NAV1: variants seen among roughly 807,000 people sequenced by gnomAD.
NAV1 encodes the protein neuron navigator 1.
In NAV1, 18 loss-of-function variants were observed where a neutral mutation model predicts 175.2. The observed-to-expected ratio is 0.10, with a 90% CI of 0.07 to 0.15. The LOEUF (loss-of-function observed/expected upper bound fraction) is 0.15. NAV1 is among the 10% of genes least tolerant of loss of function. The pLI, the probability that NAV1 is intolerant of heterozygous loss-of-function variation, is 1.00. For synonymous variants in NAV1, 897 were observed against 978.7 expected (o/e 0.92, Z 1.56); for missense variants, 1,731 against 2,436.6 (o/e 0.71, Z 6.10).
intron 2 of NAV1, 97 bp downstream of exon 6, chr1:201,713,016 C>A (rs975813665): frequency 4.1e-5 from 33 of 797,274 alleles, no homozygotes; most frequent in Non-Finnish European, 6.5e-5. Flanking sequence ...ACACCTCTGC[C>A]AGGTCAGCCA....
exon 1 of NAV1, chr1:201,648,612 C>A: frequency 7.8e-7 from 1 of 1,285,668 alleles, no homozygotes; most frequent in South Asian, 2.7e-5. Context: ...CCGCCCCCTG[C>A]CCCCTCCCCC....
At chr1:201,653,590 T>C (rs185728754) in intron 1 of NAV1, among the ~76,000 whole-genome samples, 5 of 152,304 alleles carry the variant, frequency 3.3e-5, no homozygotes, top group Middle Eastern at 3.4e-3. Context: ...TCACAAATAC[T>C]TCGTTTTCCT....
intron 6 of NAV1, 30 bp from the exon 11 acceptor site, chr1:201,783,376 T>C (rs1676463919): frequency 6.3e-7 from 1 of 1,598,608 alleles, no homozygotes. Context: ...AATTCTATTA[T>C]TCTAAATATT....
At chr1:201,541,657 C>G (rs1226447336) in intron 1 of NAV1, among the ~76,000 whole-genome samples, 10 of 152,146 alleles carry the variant, frequency 6.6e-5, no homozygotes, top group Admixed American at 5.9e-4. Flanking sequence ...GCCTGTAATC[C>G]CAGCTACTCG....
chr1:201,636,557 A>T (rs1440803023), intron 2 of NAV1, among the ~76,000 whole-genome samples: 1 of 152,160 alleles, frequency 6.6e-6, no homozygotes, highest in Admixed American at 6.5e-5. Flanking sequence ...AGCTGAAGAT[A>T]ATTAAAGGTC....
At chr1:201,541,188 T>C (rs1047432890) in intron 1 of NAV1, among the ~76,000 whole-genome samples, 14 of 152,188 alleles carry the variant, frequency 9.2e-5, no homozygotes, top group Non-Finnish European at 4.4e-5. Context: ...GTGAGTACCT[T>C]CCAGCCAAAC....
In NAV1 at chr1:201,794,060, C is replaced by T. The variant is rs182683376; in HGVS notation, c.3405+185C>T. 1,983 of 704,480 alleles carry T rather than the reference C, an allele frequency of 2.8e-3. 4 individuals carry two copies. Among genetic ancestry groups the T allele is most frequent in the South Asian group, 3.7e-3 (248 of 66,670 alleles). 43.6% of individuals were successfully genotyped at this position (704,480 alleles called of 1,614,324 possible). On this transcript the variant is annotated intron_variant, in intron 14 of 29. Transcript: ENST00000367296. The stretch of plus-strand genomic sequence containing the variant: ...CATATTCCTTATCCCAATTCCTTGC[C>T]CTTCTCTATCAAGTTTTGCAGAATT...
At position 201,753,959 on chromosome 1, in the gene NAV1, C is replaced by G. The variant is rs75688655; in HGVS notation, c.1227-26462C>G. On this transcript the variant is annotated intron_variant, in intron 3 of 29. Coordinates refer to ENST00000367296, the Ensembl canonical transcript of NAV1. Reference sequence around the variant, plus strand: ...GTCATTCTGATGGCAGATGACTACCCAAAGAAGGGGAAAGTGAAGGAAAGC... The same window carrying G: ...GTCATTCTGATGGCAGATGACTACCGAAAGAAGGGGAAAGTGAAGGAAAGC... 4.6e-5 allele frequency among the ~76,000 whole-genome samples: 7 copies of G among 152,224 alleles called. No homozygotes were observed. In the East Asian group the frequency reaches 1.4e-3, roughly 29 times the overall value.
chr1:201,752,809 A>G (rs546739944), intron 3 of NAV1, among the ~76,000 whole-genome samples: 2 of 152,316 alleles, frequency 1.3e-5, no homozygotes, highest in East Asian at 3.9e-4. Flanking sequence ...TTGTGCAAAG[A>G]CATCCAGATT....
At chr1:201,565,509 G>A (rs1666328816) in intron 1 of NAV1, among the ~76,000 whole-genome samples, 1 of 152,218 alleles carries the variant, frequency 6.6e-6, no homozygotes, top group Admixed American at 6.5e-5. Flanking sequence ...ATGGGGCCCG[G>A]CCCATGGCTA....
chr1:201,784,746 TTTTG>T (rs769991276), intron 7 of NAV1, among the ~76,000 whole-genome samples: 16 of 151,730 alleles, frequency 1.1e-4, no homozygotes, highest in African/African-American at 1.9e-4. Context: ...TTAATTTCTT[TTTTG>T]TTTGTTTGTT....
intron 2 of NAV1, among the ~76,000 whole-genome samples, chr1:201,598,958 G>C (rs1417545441): frequency 1.3e-5 from 2 of 152,168 alleles, no homozygotes; most frequent in Non-Finnish European, 2.9e-5. Context: ...TTATCAGGTG[G>C]GGCATTGGCA....
intron 1 of NAV1, among the ~76,000 whole-genome samples, chr1:201,679,600 G>A (rs901186483): frequency 2.6e-5 from 4 of 152,108 alleles, no homozygotes; most frequent in South Asian, 2.1e-4. Flanking sequence ...GATACTTCAC[G>A]TGTCTTAAGT....
chr1:201,546,903 CAA>C (rs534761806), intron 1 of NAV1, among the ~76,000 whole-genome samples: 30 of 58,958 alleles, frequency 5.1e-4, no homozygotes, highest in Non-Finnish European at 3.5e-4. Flanking sequence ...AACTCTGTCT[CAA>C]AAAAAAAAAA....
rs558952146 is a variant in NAV1, at chr1:201,747,393, A to T, written c.1226+28638A>T. ...GATCTGCCAACTGTACGATTTTAAA[A>T]ATAGGTTTTTAACAGCTTTAAAACA... is the stretch of plus-strand genomic sequence containing the variant. On this transcript the variant is annotated intron_variant, in intron 3 of 29. Transcript: ENST00000367296. Among the ~76,000 whole-genome samples, 3 of 152,340 alleles carry T rather than the reference A, an allele frequency of 2.0e-5. No individual in the cohort carries two copies. In the East Asian group the frequency reaches 5.8e-4, roughly 29 times the overall value.
upstream of NAV1, among the ~76,000 whole-genome samples, chr1:201,645,945 T>A (rs1668965190): frequency 1.3e-5 from 2 of 152,202 alleles, no homozygotes; most frequent in Non-Finnish European, 2.9e-5. Flanking sequence ...GGATGAGGAC[T>A]GTAGAAGTGA....
exon 2 of NAV1, chr1:201,629,456 GA>G: frequency 7.7e-7 from 1 of 1,304,324 alleles, no homozygotes; most frequent in Non-Finnish European, 1.0e-6. Context: ...CTGGCCCCTT[GA>G]TGGCTATGCT....
chr1:201,793,573 CTGG>C, intron 13 of NAV1: 2 of 523,106 alleles, frequency 3.8e-6, no homozygotes, highest in Non-Finnish European at 6.9e-6. Flanking sequence ...TACCCTCAAC[CTGG>C]CTTCATTATT....
At chr1:201,802,857 C>CT (rs1558183197) in intron 15 of NAV1, among the ~76,000 whole-genome samples, 2 of 152,144 alleles carry the variant, frequency 1.3e-5, no homozygotes, top group African/African-American at 4.8e-5. Flanking sequence ...TCCACCCTCA[C>CT]TTTTTTCTGT....
Sources: allele counts gnomAD v4.1 joint callset (sites outside exome capture counted in the v4.1 genomes callset), GRCh38; gene constraint gnomAD v4.1.1; transcripts MANE v1.5; gene names NCBI Gene and HGNC (gene_info 2026-07-23, HGNC 2026-07-21).